DLG2: variants seen among roughly 807,000 people sequenced by gnomAD.
The protein encoded by DLG2 is discs large MAGUK scaffold protein 2, also known as disks large homolog 2.
In DLG2, 45 loss-of-function variants were observed where a neutral mutation model predicts 132.5. The observed-to-expected ratio is 0.34, with a 90% CI of 0.27 to 0.44. DLG2 has a LOEUF of 0.44. Ranked by LOEUF, DLG2 falls within the 20% of genes least tolerant of loss-of-function variation. The probability of loss-of-function intolerance (pLI) is 1.00; values close to 1 mark genes in which losing one functional copy is unlikely to be tolerated. For synonymous variants in DLG2, 424 were observed against 419.6 expected (o/e 1.01, Z -0.13); for missense variants, 1,045 against 1,196.9 (o/e 0.87, Z 1.87).
intron 7 of DLG2, among the ~76,000 whole-genome samples, chr11:84,513,649 T>C (rs1384313750): frequency 1.3e-5 from 2 of 151,836 alleles, no homozygotes; most frequent in Non-Finnish European, 2.9e-5. Flanking sequence ...GAATGAAACT[T>C]GACCCATCTC....
intron 6 of DLG2, among the ~76,000 whole-genome samples, chr11:85,052,188 T>C (rs555731729): frequency 1.2e-4 from 18 of 152,270 alleles, no homozygotes; most frequent in African/African-American, 3.9e-4. Flanking sequence ...CAAGGAGGTA[T>C]AATGAAGGTT....
intron 21 of DLG2, among the ~76,000 whole-genome samples, chr11:83,503,908 T>C (rs2094570721): frequency 6.6e-6 from 1 of 152,122 alleles, no homozygotes; most frequent in Admixed American, 6.5e-5. Context: ...TATATAATCT[T>C]CAAATAAAGA....
chr11:84,885,720 T>C (rs1375493772), intron 6 of DLG2, among the ~76,000 whole-genome samples: 1 of 152,042 alleles, frequency 6.6e-6, no homozygotes, highest in Non-Finnish European at 1.5e-5. Flanking sequence ...ATTCATGAAA[T>C]GTGGCTCCCG....
intron 11 of DLG2, among the ~76,000 whole-genome samples, chr11:83,995,468 C>A (rs979459043): frequency 6.6e-6 from 1 of 152,016 alleles, no homozygotes; most frequent in African/African-American, 2.4e-5. Flanking sequence ...GATTTGGTCT[C>A]CCTCCATTTT....
intron 3 of DLG2, among the ~76,000 whole-genome samples, chr11:85,511,556 C>A: frequency 6.6e-6 from 1 of 151,736 alleles, no homozygotes; most frequent in African/African-American, 2.4e-5. Context: ...CCCATTACTG[C>A]AAGTAATCAA....
Position 85,161,418 on chromosome 11 carries a change from C to T in DLG2, c.187-6767G>A, listed in dbSNP as rs986449388. 4.6e-5 allele frequency among the ~76,000 whole-genome samples: 7 copies of T among 152,138 alleles called. No homozygotes were observed. The South Asian group carries it at 8.3e-4, about 18-fold the overall frequency. Reference sequence around the variant, plus strand: ...GCAGCAGAGACCAACACCGAGCCCTCGATATGGCACCATTCCTCAGGATGA... The same window carrying T: ...GCAGCAGAGACCAACACCGAGCCCTTGATATGGCACCATTCCTCAGGATGA... On this transcript the variant is annotated intron_variant, in intron 4 of 27. Coordinates refer to ENST00000376104, the MANE Select transcript of DLG2 (RefSeq NM_001142699.3).
intron 6 of DLG2, among the ~76,000 whole-genome samples, chr11:85,017,161 T>G (rs2059644449): frequency 6.6e-6 from 1 of 152,182 alleles, no homozygotes; most frequent in African/African-American, 2.4e-5. Flanking sequence ...TTTATATCAT[T>G]GACATCTTCC....
At chr11:85,581,228 G>A (rs573300871) in intron 3 of DLG2, among the ~76,000 whole-genome samples, 11 of 152,214 alleles carry the variant, frequency 7.2e-5, no homozygotes, top group African/African-American at 9.6e-5. Flanking sequence ...CAGTCTCACC[G>A]TTCCTAGCCC....
At chr11:84,500,028 G>A (rs534666133) in intron 7 of DLG2, among the ~76,000 whole-genome samples, 1 of 151,962 alleles carries the variant, frequency 6.6e-6, no homozygotes, top group Non-Finnish European at 1.5e-5. Context: ...GAGATACGGA[G>A]ATGAAAAAAA....
intron 19 of DLG2, among the ~76,000 whole-genome samples, chr11:83,603,432 A>G (rs1027467935): frequency 1.5e-4 from 23 of 152,100 alleles, no homozygotes; most frequent in Non-Finnish European, 3.2e-4. Flanking sequence ...TTACATTGTT[A>G]TCTTTAGATT....
intron 18 of DLG2, among the ~76,000 whole-genome samples, chr11:83,737,064 C>A (rs2091992731): frequency 6.6e-6 from 1 of 152,158 alleles, no homozygotes; most frequent in South Asian, 2.1e-4. Context: ...ATAGGCCACA[C>A]TGTAGAGCCC....
chr11:85,200,790 T>G (rs1197626980), intron 4 of DLG2, among the ~76,000 whole-genome samples: 1 of 151,892 alleles, frequency 6.6e-6, no homozygotes, highest in Non-Finnish European at 1.5e-5. Flanking sequence ...CCAAGGGACC[T>G]CCCTCTCAGC....
Position 84,494,302 on chromosome 11 carries a change from T to C in DLG2, c.519+40268A>G, listed in dbSNP as rs143114007. On this transcript the variant is annotated intron_variant, in intron 7 of 27. Coordinates refer to ENST00000376104, the MANE Select transcript of DLG2 (RefSeq NM_001142699.3). The stretch of plus-strand genomic sequence containing the variant: ...CTTGAACCACTGTGCACCTGCTGAC[T>C]GGGGGAAGAGAAAGAAAGGAGGTGA... 2.6e-5 allele frequency among the ~76,000 whole-genome samples: 4 copies of C among 152,282 alleles called. No individual in the cohort carries two copies. The East Asian group carries it at 7.7e-4, about 29-fold the overall frequency.
At chr11:85,070,054 C>T (rs1303214560) in intron 6 of DLG2, among the ~76,000 whole-genome samples, 2 of 151,596 alleles carry the variant, frequency 1.3e-5, no homozygotes, top group African/African-American at 4.8e-5. Context: ...ATCGCAAGGA[C>T]AAAAAACCAA....
intron 3 of DLG2, among the ~76,000 whole-genome samples, chr11:85,538,429 T>C (rs1159470950): frequency 3.3e-5 from 5 of 151,958 alleles, no homozygotes; most frequent in Admixed American, 3.3e-4. Flanking sequence ...GAAGACAGTG[T>C]GGTGATTCCT....
chr11:84,221,670 C>A (rs974951746), intron 8 of DLG2, among the ~76,000 whole-genome samples: 1 of 151,968 alleles, frequency 6.6e-6, no homozygotes, highest in South Asian at 2.1e-4. Context: ...GAAGAATGTT[C>A]AACTTTTAAA....
At chr11:84,254,501 A>T (rs2097434278) in intron 7 of DLG2, among the ~76,000 whole-genome samples, 1 of 152,204 alleles carries the variant, frequency 6.6e-6, no homozygotes, top group African/African-American at 2.4e-5. Flanking sequence ...AAAGGTAGTG[A>T]TAAAGTATAG....
intron 8 of DLG2, among the ~76,000 whole-genome samples, chr11:84,193,244 A>C (rs2096450498): frequency 6.6e-6 from 1 of 152,226 alleles, no homozygotes; most frequent in South Asian, 2.1e-4. Context: ...CATTCACTAC[A>C]ATCATGGATC....
chr11:83,498,948 T>C (rs1390172944), intron 21 of DLG2, among the ~76,000 whole-genome samples: 1 of 152,034 alleles, frequency 6.6e-6, no homozygotes, highest in Non-Finnish European at 1.5e-5. Context: ...GTAAATTAGC[T>C]AACTTAGATA....
Sources: allele counts gnomAD v4.1 joint callset (sites outside exome capture counted in the v4.1 genomes callset), GRCh38; gene constraint gnomAD v4.1.1; transcripts MANE v1.5; gene names NCBI Gene and HGNC (gene_info 2026-07-23, HGNC 2026-07-21).